Variants in MOGS observed in about 807,000 individuals in gnomAD.
MOGS encodes epididymis secretory sperm binding protein.
A neutral mutation model predicts 68.5 loss-of-function variants in MOGS; 45 were observed. The ratio of observed to expected loss-of-function variants is 0.66; its 90% confidence interval spans 0.52 to 0.84. The LOEUF is 0.84. Among genes scored for constraint, MOGS ranks in the 40% least tolerant of loss-of-function variants. The pLI is 0.00. For missense variants in MOGS, 1,020 were observed against 1,095.0 expected, an observed-to-expected ratio of 0.93 and a Z score of 0.97; for synonymous variants, 492 against 461.2, an observed-to-expected ratio of 1.07 and a Z score of -0.86.
rs1256682813 is a variant in MOGS at position 74,461,450 on chromosome 2, G to A, written c.2339C>T (p.Ala780Val). The A allele has an allele frequency of 6.2e-7, 1 of 1,614,094 alleles. No individual in the cohort carries two copies. Among genetic ancestry groups the A allele is most frequent in the East Asian group, 2.2e-5 (1 of 44,906 alleles). The change falls in exon 4 of 4, where the codon GCT becomes GTT. Residue 780 changes from alanine (A) to valine (V), a missense_variant. Ala to Val is a moderately conservative substitution (Grantham distance 64). Transcript: ENST00000448666. ...ACGGAGCTCACCGTGGAGTTTGGCAGCCCGAGCCTGGTGAGGACCCTCCAG... is the reference window on the plus strand; with the variant it reads ...ACGGAGCTCACCGTGGAGTTTGGCAACCCGAGCCTGGTGAGGACCCTCCAG... ...GHLEGPHQAR[A>V]AKLHGELRAN... is the part of the protein sequence containing the mutation.
At position 74,462,794 on chromosome 2, in the gene MOGS, A is replaced by G; in HGVS notation, c.995T>C (p.Ile332Thr). 1.2e-6 allele frequency: 2 copies of G among 1,614,146 alleles called. No homozygotes were observed. The highest frequency in any genetic ancestry group is 1.1e-5 in the South Asian group (1 of 91,086). The change falls in exon 4 of 4, where the codon ATA becomes ACA. Residue 332 changes from isoleucine to threonine, a missense_variant. This residue lies in a region of MOGS where 569 missense variants were observed against 571.9 expected (regional missense o/e 0.99). Coordinates refer to ENST00000448666, the MANE Select transcript of MOGS (RefSeq NM_006302.3). ...ACTGCCTGATTCAAACACAAACTCT[A>G]TGGAAATGGGAATTTTCAGGGTCAC... ...QQVTLKIPIS[I>T]EFVFESGSAQ... is the part of the protein sequence containing the mutation.
Position 74,463,487 on chromosome 2 carries a change from CA to C in MOGS, c.580-102del. On this transcript the variant is annotated intron_variant, in intron 2 of 3. Coordinates refer to ENST00000448666, the MANE Select transcript of MOGS (RefSeq NM_006302.3). ...CTTAGTGAGGGAAAGGAACAGTAGG[CA>C]GGGGTAATGTAAACAACATACGTCT... 3 of 1,260,712 alleles carry C rather than the reference CA, an allele frequency of 2.4e-6. No homozygotes were observed. The South Asian group carries it at 3.7e-5, about 16-fold the overall frequency. 78.1% of individuals were successfully genotyped at this position (1,260,712 alleles called of 1,614,324 possible).
In MOGS at chr2:74,461,768, C is replaced by T. The variant is rs200966949; in HGVS notation, c.2021G>A (p.Arg674Gln). 7.7e-5 allele frequency: 124 copies of T among 1,614,212 alleles called. No homozygotes were observed. In the African/African-American group the frequency reaches 1.3e-3, roughly 17 times the overall value. ...LKPRPPQGLV[R>Q]VVGRPQPQLQ... ...TTGAGGTTGGGGCCGACCCACCACCCGAACGAGCCCCTGAGGGGGCCTGGG... is the reference window on the plus strand; with the variant it reads ...TTGAGGTTGGGGCCGACCCACCACCTGAACGAGCCCCTGAGGGGGCCTGGG... The change falls in exon 4 of 4, where the codon CGG becomes CAG. Residue 674 changes from arginine (R) to glutamine (Q), a missense_variant. Physicochemically the swap from Arg to Gln is conservative, Grantham distance 43. Transcript: ENST00000448666.
chr2:74,464,713 C>T lies in MOGS; in HGVS notation c.362G>A (p.Trp121Ter). 1 of 1,612,290 alleles carries T rather than the reference C, an allele frequency of 6.2e-7. No homozygotes were observed. Among genetic ancestry groups the T allele is most frequent in the Non-Finnish European group, 8.5e-7 (1 of 1,178,910 alleles). ...SPKPLLTGLM[W>*]AQQGTTPGTP... ...CCCCGGGGTGGTGCCCTGCTGCGCC[C>T]ACATCAGTCCTGGGGGTAGAATGGC... The change falls in exon 2 of 4, where the codon TGG becomes TAG. Residue 121 changes from tryptophan (W) to a stop codon, truncating the protein, a stop_gained. Transcript: ENST00000448666. LOFTEE classifies it high-confidence loss of function.
chr2:74,462,574 G>A lies in MOGS; in HGVS notation c.1215C>T (p.Phe405=). 3 of 1,613,646 alleles carry A rather than the reference G, an allele frequency of 1.9e-6. No individual in the cohort carries two copies. Among genetic ancestry groups the A allele is most frequent in the Admixed American group, 1.7e-5 (1 of 59,996 alleles). Residue 405 remains phenylalanine, a synonymous_variant, in exon 4 of 4, where the codon TTC becomes TTT. Coordinates refer to ENST00000448666, the MANE Select transcript of MOGS (RefSeq NM_006302.3). ...CTGGCAATACCAGCCCTTGTCCGTA[G>A]AAGTAGCCAATTCCACCAAGGAGGC... ...LSGLLGGIGY[F]YGQGLVLPDI...
At position 74,462,888 on chromosome 2, in the gene MOGS, G is replaced by A. The variant is rs1390934890; in HGVS notation, c.901C>T (p.Pro301Ser). The stretch of plus-strand genomic sequence containing the variant: ...CTGTCCTCCCACTTCAGGGATCCTG[G>A]CAAGCCGAGGTAGCGTTCAGGGGGG... ...GAPPERYLGL[P>S]GSLKWEDRGP... The change falls in exon 4 of 4, where the codon CCA (proline) becomes TCA (serine). Residue 301 changes from proline to serine, a missense_variant. Coordinates refer to ENST00000448666, the MANE Select transcript of MOGS (RefSeq NM_006302.3). 8 of 1,614,006 alleles carry A rather than the reference G, an allele frequency of 5.0e-6. No homozygotes were observed. Among genetic ancestry groups the A allele is most frequent in the African/African-American group, 1.3e-5 (1 of 74,942 alleles).
chr2:74,461,782 A>C lies in MOGS; in HGVS notation c.2007T>G (p.Pro669=), dbSNP rs981350505. Reference sequence around the variant, plus strand: ...GACCCACCACCCGAACGAGCCCCTGAGGGGGCCTGGGCTTCAGCTGTACTG... The same window carrying C: ...GACCCACCACCCGAACGAGCCCCTGCGGGGGCCTGGGCTTCAGCTGTACTG... ...TKAVQLKPRP[P]QGLVRVVGRP... Residue 669 remains proline (P), a synonymous_variant, in exon 4 of 4, where the codon CCT becomes CCG. Transcript: ENST00000448666. 2 of 1,614,160 alleles carry C rather than the reference A, an allele frequency of 1.2e-6. No homozygotes were observed. Among genetic ancestry groups the C allele is most frequent in the Admixed American group, 1.7e-5 (1 of 60,026 alleles).
chr2:74,464,415 C>T, intron 2 of MOGS, 81 bp downstream of exon 2: 2 of 1,399,388 alleles, frequency 1.4e-6, no homozygotes, highest in Non-Finnish European at 1.0e-6. Context: ...CAGCCAGAGC[C>T]CACTTCATGC....
At chr2:74,463,078 AT>A in intron 3 of MOGS, 66 bp from the exon 4 acceptor site, 1 of 1,611,496 alleles carries the variant, frequency 6.2e-7, no homozygotes, top group Non-Finnish European at 8.5e-7. Flanking sequence ...ATAAAGAGAA[AT>A]ACAAAGTGTT....
intron 2 of MOGS, among the ~76,000 whole-genome samples, chr2:74,464,053 T>C (rs1174707357): frequency 1.4e-5 from 2 of 147,906 alleles, no homozygotes; most frequent in African/African-American, 2.5e-5. Flanking sequence ...TCCACCTCCC[T>C]GGTTCAAGCA....
In MOGS at chr2:74,465,174, C is replaced by T. The variant is rs768041148; in HGVS notation, c.74G>A (p.Gly25Glu). ...GVRTAERAAR[G>E]GPGRRDGRGG... ...CCGGCCGTCCCGTCGCCCGGGGCCT[C>T]CCCGAGCCGCCCTCTCGGCTGTCCG... is the stretch of plus-strand genomic sequence containing the variant. The change falls in exon 1 of 4, where the codon GGA becomes GAA. Residue 25 changes from glycine to glutamate, a missense_variant. Gly to Glu is a moderately conservative substitution (Grantham distance 98). Transcript: ENST00000448666. The T allele has an allele frequency of 2.4e-5, 37 of 1,531,086 alleles. 1 individual carries two copies. The East Asian group carries it at 8.0e-4, about 33-fold the overall frequency. 94.8% of individuals were successfully genotyped at this position (1,531,086 alleles called of 1,614,324 possible). A position where few individuals can be genotyped will look rare whatever the true frequency, so the allele number is the denominator to read the frequency against.
At position 74,461,964 on chromosome 2, in the gene MOGS, G is replaced by A. The variant is rs369797433; in HGVS notation, c.1825C>T (p.Arg609Cys). 2.2e-5 allele frequency: 35 copies of A among 1,613,930 alleles called. 1 individual carries two copies. Among genetic ancestry groups the A allele is most frequent in the Middle Eastern group, 1.6e-4 (1 of 6,082 alleles). The stretch of plus-strand genomic sequence containing the variant: ...TGCTCTGCCAGCCGCGTCAGCACAC[G>A]GGCACCCAGTGCCACCCAACATCGC... The part of the protein sequence containing the change: ...DLRCWVALGA[R>C]VLTRLAEHLG... Residue 609 changes from arginine to cysteine, a missense_variant, in exon 4 of 4, where the codon CGT becomes TGT. Physicochemically the swap from Arg to Cys is radical, Grantham distance 180 (BLOSUM62 -3). Transcript: ENST00000448666.
In MOGS at chr2:74,461,554, A is replaced by G; in HGVS notation, c.2235T>C (p.His745=). The G allele has an allele frequency of 6.2e-7, 1 of 1,614,048 alleles. No homozygotes were observed. Among genetic ancestry groups the G allele is most frequent in the Non-Finnish European group, 8.5e-7 (1 of 1,179,934 alleles). ...SSFYGQRNSE[H]DPPYWRGAVW... is the part of the protein sequence containing the mutation. ...CAGCACCCCGCCAGTAGGGGGGATC[A>G]TGCTCTGAATTGCGCTGGCCATAAA... The change falls in exon 4 of 4, where the codon CAT becomes CAC. Residue 745 remains histidine, a synonymous_variant. Coordinates refer to ENST00000448666, the MANE Select transcript of MOGS (RefSeq NM_006302.3).
chr2:74,463,576 T>C, intron 2 of MOGS, 190 bp from the exon 3 acceptor site: 2 of 628,712 alleles, frequency 3.2e-6, no homozygotes, highest in Non-Finnish European at 5.7e-6. Flanking sequence ...TAAAGAGCCT[T>C]GCACTGGGTG....
At position 74,461,692 on chromosome 2, in the gene MOGS, C is replaced by G; in HGVS notation, c.2097G>C (p.Leu699=). Reference sequence around the variant, plus strand: ...GGGATGAGGTGGGGTCCAGCAGTCGCAGCAGCAAGGGAAAAAGACTGACAT... The same window carrying G: ...GGGATGAGGTGGGGTCCAGCAGTCGGAGCAGCAAGGGAAAAAGACTGACAT... The part of the protein sequence containing the change: ...LGYVSLFPLL[L]RLLDPTSSRL... Residue 699 remains leucine (L), a synonymous_variant, in exon 4 of 4, where the codon CTG becomes CTC. Coordinates refer to ENST00000448666, the MANE Select transcript of MOGS (RefSeq NM_006302.3). The G allele has an allele frequency of 1.2e-6, 2 of 1,614,212 alleles. No individual in the cohort carries two copies. The highest frequency in any genetic ancestry group is 1.7e-6 in the Non-Finnish European group (2 of 1,180,026).
chr2:74,461,579 A>G lies in MOGS; in HGVS notation c.2210T>C (p.Phe737Ser). The G allele has an allele frequency of 6.2e-7, 1 of 1,613,976 alleles. No homozygotes were observed. The highest frequency in any genetic ancestry group is 8.5e-7 in the Non-Finnish European group (1 of 1,179,880). Residue 737 changes from phenylalanine to serine, a missense_variant, in exon 4 of 4, where the codon TTT becomes TCT. Phe to Ser is a radical substitution (Grantham distance 155). This residue lies in a region of MOGS where 270 missense variants were observed against 261.3 expected (regional missense o/e 1.03). Transcript: ENST00000448666. ...ATGCTCTGAATTGCGCTGGCCATAAAAGGAGCTGGAGGCTGCAAGGGAGCG... is the reference window on the plus strand; with the variant it reads ...ATGCTCTGAATTGCGCTGGCCATAAGAGGAGCTGGAGGCTGCAAGGGAGCG... ...GLRSLAASSS[F>S]YGQRNSEHDP...
chr2:74,463,290 G>T lies in MOGS; in HGVS notation c.676C>A (p.Gln226Lys). 6.2e-7 allele frequency: 1 copy of T among 1,614,194 alleles called. No homozygotes were observed. Among genetic ancestry groups the T allele is most frequent in the Non-Finnish European group, 8.5e-7 (1 of 1,180,038 alleles). The change falls in exon 3 of 4, where the codon CAG becomes AAG. Residue 226 changes from glutamine (Q) to lysine (K), a missense_variant. Physicochemically the swap from Gln to Lys is moderately conservative, Grantham distance 53 (BLOSUM62 1). Transcript: ENST00000448666. ...GTGTGCCCACTGATAAACTTCAACT[G>T]CCCCTTGGCCCCAACCTCTGGTAGT... ...VLLPEVGAKGQLKFISGHTSE... is the reference protein window; with the variant it reads ...VLLPEVGAKGKLKFISGHTSE...
At position 74,461,821 on chromosome 2, in the gene MOGS, C is replaced by T; in HGVS notation, c.1968G>A (p.Gly656=). 6.2e-7 allele frequency: 1 copy of T among 1,614,158 alleles called. No homozygotes were observed. Among genetic ancestry groups the T allele is most frequent in the Non-Finnish European group, 8.5e-7 (1 of 1,180,032 alleles). The part of the protein sequence containing the change: ...APELGVFADF[G]NHTKAVQLKP... ...TCAGCTGTACTGCTTTTGTGTGGTT[C>T]CCAAAGTCTGCAAAGACTCCTAGCT... Residue 656 remains glycine, a synonymous_variant, in exon 4 of 4, where the codon GGG becomes GGA. Transcript: ENST00000448666.
rs1460934318 is a variant in MOGS, at chr2:74,462,662, A to C, written c.1127T>G (p.Phe376Cys). ...GCTCAGGCCCTTCTCCTTCAGCTGG[A>C]AGGTCTTCTCAAAGCGCTCTCTAAA... Reference protein sequence around the residue: ...EGFRERFEKTFQLKEKGLSSG... With the variant: ...EGFRERFEKTCQLKEKGLSSG... Residue 376 changes from phenylalanine to cysteine, a missense_variant, in exon 4 of 4, where the codon TTC (phenylalanine) becomes TGC (cysteine). Around this residue, in one of 3 missense-constraint regions of MOGS, gnomAD observed 569 missense variants for 571.9 expected, o/e 0.99. Transcript: ENST00000448666. The C allele has an allele frequency of 6.2e-7, 1 of 1,614,224 alleles. No individual in the cohort carries two copies. Among genetic ancestry groups the C allele is most frequent in the Admixed American group, 1.7e-5 (1 of 60,030 alleles).
Sources: gnomAD v4.1 joint callset for allele counts (sites outside exome capture counted in the v4.1 genomes callset) on GRCh38, gnomAD v4.1.1 for gene constraint, gnomAD v4.1.1 regional missense constraint, MANE v1.5 for transcripts, NCBI Gene and HGNC (gene_info 2026-07-23, HGNC 2026-07-21) for gene names.